Variants in EYS observed in about 807,000 individuals in gnomAD.
The protein encoded by EYS is protein eyes shut homolog.
A neutral mutation model predicts 282.1 loss-of-function variants in EYS; 250 were observed. The ratio of observed to expected loss-of-function variants is 0.89; its 90% CI spans 0.80 to 0.98. The LOEUF (loss-of-function observed/expected upper bound fraction) is 0.98, where lower values mean the gene tolerates loss of function less well. Among genes scored for constraint, EYS ranks in the 50% least tolerant of loss-of-function variants. The pLI, the probability that EYS is intolerant of heterozygous loss-of-function variation, is 0.00. For missense variants in EYS, 4,016 were observed against 3,709.0 expected, an observed-to-expected ratio of 1.08 and a Z score of -2.15; for synonymous variants, 1,355 against 1,282.9, an observed-to-expected ratio of 1.06 and a Z score of -1.20.
intron 5 of EYS, among the ~76,000 whole-genome samples, chr6:65,480,874 C>A (rs1765582830): frequency 6.6e-6 from 1 of 152,102 alleles, no homozygotes; most frequent in African/African-American, 2.4e-5. Context: ...ATAAATACTG[C>A]ATGTTCTCAC....
intron 5 of EYS, among the ~76,000 whole-genome samples, chr6:65,467,330 G>C (rs1765038888): frequency 6.6e-6 from 1 of 151,976 alleles, no homozygotes; most frequent in African/African-American, 2.4e-5. Flanking sequence ...TAAATGCATA[G>C]AACAAATAGG....
intron 33 of EYS, among the ~76,000 whole-genome samples, chr6:63,999,648 C>T (rs1767988007): frequency 6.6e-6 from 1 of 152,130 alleles, no homozygotes; most frequent in Non-Finnish European, 1.5e-5. Flanking sequence ...GCTGCATACC[C>T]CTGAGCAGAG....
At chr6:64,594,789 A>G (rs1341813346) in intron 24 of EYS, among the ~76,000 whole-genome samples, 2 of 151,886 alleles carry the variant, frequency 1.3e-5, no homozygotes, top group Non-Finnish European at 2.9e-5. Flanking sequence ...ATGTATACAT[A>G]TGTAACAAAC....
intron 22 of EYS, among the ~76,000 whole-genome samples, chr6:64,702,389 A>G (rs1370332848): frequency 6.6e-6 from 1 of 152,090 alleles, no homozygotes; most frequent in Non-Finnish European, 1.5e-5. Flanking sequence ...ACATGCACAA[A>G]CACATATAAC....
chr6:64,421,609 C>T (rs1774235070), intron 28 of EYS, among the ~76,000 whole-genome samples: 1 of 152,082 alleles, frequency 6.6e-6, no homozygotes, highest in Admixed American at 6.6e-5. Flanking sequence ...GCTCATGAAT[C>T]ATTTAAAGAT....
intron 29 of EYS, among the ~76,000 whole-genome samples, chr6:64,325,747 CACTT>C (rs1770391843): frequency 6.6e-6 from 1 of 152,064 alleles, no homozygotes; most frequent in East Asian, 1.9e-4. Context: ...ACACTGGACA[CACTT>C]ACAAAAATGC....
chr6:64,870,060 G>A (rs1459486935), intron 19 of EYS, among the ~76,000 whole-genome samples: 1 of 151,602 alleles, frequency 6.6e-6, no homozygotes, highest in Non-Finnish European at 1.5e-5. Context: ...AAATACGAGG[G>A]TGAGAGTAAG....
chr6:64,926,560 ACT>A (rs1174965581), intron 15 of EYS, among the ~76,000 whole-genome samples: 1 of 152,060 alleles, frequency 6.6e-6, no homozygotes. Flanking sequence ...GGAGGCAATC[ACT>A]CTCTATCTCA....
chr6:63,932,582 T>C (rs115075864), intron 35 of EYS, among the ~76,000 whole-genome samples: 303 of 152,344 alleles, frequency 2.0e-3, no homozygotes, highest in Middle Eastern at 0.01. Context: ...TTCTTCTCTC[T>C]ATGCCCACTG....
intron 35 of EYS, among the ~76,000 whole-genome samples, chr6:63,937,275 T>G (rs774673811): frequency 2.9e-5 from 4 of 139,032 alleles, no homozygotes; most frequent in Non-Finnish European, 4.6e-5. Flanking sequence ...AAGCAACACC[T>G]CAGATGTGCT....
At chr6:65,703,361 G>A (rs1039264043) in intron 1 of EYS, among the ~76,000 whole-genome samples, 4 of 152,120 alleles carry the variant, frequency 2.6e-5, no homozygotes, top group Admixed American at 1.3e-4. Context: ...AAGAAAATAT[G>A]TGAGCAATAA....
chr6:63,880,798 G>T (rs1397196177), intron 35 of EYS, among the ~76,000 whole-genome samples: 1 of 152,112 alleles, frequency 6.6e-6, no homozygotes, highest in East Asian at 1.9e-4. Context: ...TCAATTAAAA[G>T]ATTTAGTTTG....
chr6:64,838,595 T>C (rs1183273442), intron 19 of EYS, among the ~76,000 whole-genome samples: 1 of 143,740 alleles, frequency 7.0e-6, no homozygotes, highest in African/African-American at 2.6e-5. Flanking sequence ...ATATAGTGAG[T>C]CTTCCTCTCT....
intron 1 of EYS, among the ~76,000 whole-genome samples, chr6:65,693,231 C>T (rs1769310632): frequency 6.7e-6 from 1 of 149,348 alleles, no homozygotes; most frequent in Non-Finnish European, 1.5e-5. Context: ...CTCTTTCCTC[C>T]CTTTTTCCTC....
chr6:65,560,510 C>T (rs977314991), intron 2 of EYS, among the ~76,000 whole-genome samples: 4 of 148,978 alleles, frequency 2.7e-5, no homozygotes, highest in African/African-American at 9.8e-5. Context: ...TTCAAAAATA[C>T]GTGTGTGTAT....
At chr6:64,656,288 C>G (rs1461794614) in intron 22 of EYS, among the ~76,000 whole-genome samples, 1 of 152,094 alleles carries the variant, frequency 6.6e-6, no homozygotes, top group African/African-American at 2.4e-5. Flanking sequence ...AGAAGATTTT[C>G]CCATACCTGT....
intron 28 of EYS, among the ~76,000 whole-genome samples, chr6:64,421,919 C>T (rs1774248835): frequency 7.1e-6 from 1 of 140,458 alleles, no homozygotes; most frequent in Non-Finnish European, 1.6e-5. Context: ...GGTTCTCAAA[C>T]AGGGATTGTG....
At chr6:65,627,771 G>A (rs1005061180) in intron 2 of EYS, among the ~76,000 whole-genome samples, 6 of 152,338 alleles carry the variant, frequency 3.9e-5, no homozygotes, top group Non-Finnish European at 8.8e-5. Context: ...AGCCTTAGCT[G>A]CCTTCCCGCG....
At chr6:64,541,044 G>A (rs974148346) in intron 26 of EYS, among the ~76,000 whole-genome samples, 2 of 152,100 alleles carry the variant, frequency 1.3e-5, no homozygotes, top group African/African-American at 4.8e-5. Flanking sequence ...CAATATATTT[G>A]CATTCATTGG....
Sources: allele counts gnomAD v4.1 joint callset (sites outside exome capture counted in the v4.1 genomes callset), GRCh38; gene constraint gnomAD v4.1.1; transcripts MANE v1.5; gene names NCBI Gene and HGNC (gene_info 2026-07-23, HGNC 2026-07-21).